The following KHDRBS1 variants were observed in gnomAD, a reference collection of about 807,000 sequenced individuals.
KHDRBS1 encodes the protein KH domain-containing, RNA-binding, signal transduction-associated protein 1.
Under a neutral mutation model 48.4 loss-of-function variants are expected in KHDRBS1, and 7 were observed. The ratio of observed to expected loss-of-function variants is 0.14; its 90% CI spans 0.08 to 0.27. KHDRBS1 has a LOEUF of 0.27. Among genes scored for constraint, KHDRBS1 ranks in the 10% least tolerant of loss-of-function variants. The pLI is 1.00. For missense variants in KHDRBS1, 458 were observed against 601.2 expected (o/e 0.76, Z 2.49); for synonymous variants, 241 against 235.8 (o/e 1.02, Z -0.20).
chr1:32,029,805 C>T (rs139516833), intron 1 of KHDRBS1, among the ~76,000 whole-genome samples: 32 of 152,314 alleles, frequency 2.1e-4, no homozygotes, highest in African/African-American at 7.2e-4. Context: ...TTAGGTCACA[C>T]GACTAGTGAG....
chr1:32,025,466 C>T (rs150050109), intron 1 of KHDRBS1, among the ~76,000 whole-genome samples: 270 of 151,250 alleles, frequency 1.8e-3, no homozygotes, highest in African/African-American at 6.2e-3. Flanking sequence ...ATGCCCAGCT[C>T]ATTTTTGTAC....
intron 1 of KHDRBS1, among the ~76,000 whole-genome samples, chr1:32,025,001 G>C (rs1462831494): frequency 6.6e-6 from 1 of 151,518 alleles, no homozygotes; most frequent in Non-Finnish European, 1.5e-5. Context: ...AGCATAGTAG[G>C]TCACGCCTAT....
At chr1:32,017,086 C>G (rs1211803599) in intron 1 of KHDRBS1, among the ~76,000 whole-genome samples, 4 of 152,032 alleles carry the variant, frequency 2.6e-5, no homozygotes, top group Admixed American at 2.6e-4. Flanking sequence ...GGTGAAACCC[C>G]GTCTCTACCA....
intron 1 of KHDRBS1, among the ~76,000 whole-genome samples, chr1:32,021,849 CTG>C (rs1269676192): frequency 1.3e-5 from 2 of 152,014 alleles, no homozygotes; most frequent in Non-Finnish European, 2.9e-5. Flanking sequence ...CAAGGTTTCA[CTG>C]TGTTGGCCAG....
intron 10 of KHDRBS1, among the ~76,000 whole-genome samples, chr1:32,058,697 G>A (rs928099990): frequency 1.2e-4 from 19 of 152,206 alleles, no homozygotes; most frequent in African/African-American, 3.4e-4. Context: ...CAGCTGCTCG[G>A]GAGGTGGAGG....
At chr1:32,032,432 C>T (rs1639098969) in intron 3 of KHDRBS1, among the ~76,000 whole-genome samples, 1 of 152,148 alleles carries the variant, frequency 6.6e-6, no homozygotes, top group Non-Finnish European at 1.5e-5. Flanking sequence ...TCCCTCTGTC[C>T]TGACTTCTTT....
chr1:32,022,820 G>A (rs1388309665), intron 1 of KHDRBS1, among the ~76,000 whole-genome samples: 1 of 152,048 alleles, frequency 6.6e-6, no homozygotes, highest in East Asian at 1.9e-4. Flanking sequence ...AACCCGGGAG[G>A]CGGAGGTTGC....
rs371966231 is a variant in KHDRBS1, at chr1:32,023,784, C to A, written c.383-6514C>A. Among the ~76,000 whole-genome samples the A allele has an allele frequency of 4.5e-4, 69 of 152,314 alleles. 1 individual carries two copies. The highest frequency in any genetic ancestry group is 1.4e-3 in the Admixed American group (21 of 15,286). ...AAAAAAGAAAGACCAGACCATCAGA[C>A]AACTGAACATCTGAGACACCCATAA... is the stretch of plus-strand genomic sequence containing the variant. On this transcript the variant is annotated intron_variant, in intron 1 of 8. Coordinates refer to ENST00000327300, the MANE Select transcript of KHDRBS1 (RefSeq NM_006559.3).
rs544199961 is a variant in KHDRBS1 at position 32,059,030 on chromosome 1, G to A, written n.1302-1133G>A. ...AAATTAGCTGGGCATGGTGGTGCGTGCCTGTAATCCCGGCTACTTGGGAGC... is the reference window on the plus strand; with the variant it reads ...AAATTAGCTGGGCATGGTGGTGCGTACCTGTAATCCCGGCTACTTGGGAGC... On this transcript the variant is annotated intron_variant and non_coding_transcript_variant, in intron 10 of 10. Transcript: ENST00000484270. Among the ~76,000 whole-genome samples the A allele has an allele frequency of 3.9e-5, 6 of 151,936 alleles. No individual in the cohort carries two copies. The South Asian group carries it at 1.3e-3, about 32-fold the overall frequency.
intron 8 of KHDRBS1, 115 bp downstream of exon 8, chr1:32,039,688 C>T: frequency 1.4e-6 from 1 of 691,200 alleles, no homozygotes; most frequent in Non-Finnish European, 2.7e-6. Context: ...CTTTAGAAGG[C>T]CAAGATTTTG....
intron 1 of KHDRBS1, among the ~76,000 whole-genome samples, chr1:32,017,764 C>T (rs959794999): frequency 7.2e-5 from 11 of 151,876 alleles, no homozygotes; most frequent in African/African-American, 7.3e-5. Context: ...TGTGCCACCA[C>T]GCCCGGCTAA....
downstream of KHDRBS1, among the ~76,000 whole-genome samples, chr1:32,046,128 C>T (rs1639353244): frequency 6.6e-6 from 1 of 151,962 alleles, no homozygotes; most frequent in Admixed American, 6.6e-5. Flanking sequence ...TTTCTGTTGC[C>T]AAAACCTGTC....
chr1:32,036,362 C>T (rs1005783420), intron 4 of KHDRBS1, among the ~76,000 whole-genome samples: 2 of 151,654 alleles, frequency 1.3e-5, no homozygotes, highest in African/African-American at 2.4e-5. Flanking sequence ...GTAGAGATAG[C>T]GTTTCACCGT....
chr1:32,060,802 C>G (rs969500490), exon 11 of KHDRBS1: 1 of 152,198 alleles, frequency 6.6e-6, no homozygotes, highest in Non-Finnish European at 1.5e-5. Flanking sequence ...ATATTTCTCC[C>G]CAACAAATAT....
At chr1:32,044,545 G>T (rs933473722), downstream of KHDRBS1, among the ~76,000 whole-genome samples, 2 of 152,296 alleles carry the variant, frequency 1.3e-5, no homozygotes, top group African/African-American at 4.8e-5. Flanking sequence ...CTGCTCGGGG[G>T]TGAAAAATCC....
intron 1 of KHDRBS1, among the ~76,000 whole-genome samples, chr1:32,025,487 G>C (rs1275819460): frequency 6.6e-6 from 1 of 151,058 alleles, no homozygotes; most frequent in African/African-American, 2.4e-5. Flanking sequence ...TTTTAATAGA[G>C]ATGGGGTTTC....
chr1:32,048,111 A>G (rs997225038), downstream of KHDRBS1, among the ~76,000 whole-genome samples: 2 of 152,192 alleles, frequency 1.3e-5, no homozygotes, highest in Non-Finnish European at 2.9e-5. Context: ...TTTGAATGAG[A>G]CCTGTACCTC....
chr1:32,046,145 A>G (rs994948780), downstream of KHDRBS1, among the ~76,000 whole-genome samples: 7 of 151,430 alleles, frequency 4.6e-5, no homozygotes, highest in African/African-American at 1.7e-4. Flanking sequence ...TGTCATCTTA[A>G]TCCTATACTA....
chr1:32,055,966 C>G (rs532153452), intron 10 of KHDRBS1, among the ~76,000 whole-genome samples: 16 of 152,254 alleles, frequency 1.1e-4, no homozygotes, highest in African/African-American at 3.9e-4. Flanking sequence ...GTAGCACTCT[C>G]TGTTTTTTTG....
Sources: allele counts gnomAD v4.1 joint callset (sites outside exome capture counted in the v4.1 genomes callset), GRCh38; gene constraint gnomAD v4.1.1; transcripts MANE v1.5; gene names NCBI Gene and HGNC (gene_info 2026-07-23, HGNC 2026-07-21).